Variants in RIMS2 observed in about 807,000 individuals in gnomAD.
The protein encoded by RIMS2 is regulating synaptic membrane exocytosis protein 2.
In RIMS2, 59 loss-of-function variants were observed where a neutral mutation model predicts 174.4. The observed-to-expected ratio is 0.34, with a 90% CI of 0.27 to 0.42. The LOEUF (loss-of-function observed/expected upper bound fraction) is 0.42, where lower values mean the gene tolerates loss of function less well. Among genes scored for constraint, RIMS2 ranks in the 10% least tolerant of loss-of-function variants. The probability of loss-of-function intolerance (pLI) is 1.00; values close to 1 mark genes in which losing one functional copy is unlikely to be tolerated. For synonymous variants in RIMS2, 606 were observed against 572.5 expected (o/e 1.06, Z -0.84); for missense variants, 1,620 against 1,666.3 (o/e 0.97, Z 0.48).
At chr8:104,084,707 A>G (rs1056793921) in intron 19 of RIMS2, among the ~76,000 whole-genome samples, 2 of 152,038 alleles carry the variant, frequency 1.3e-5, no homozygotes, top group Non-Finnish European at 2.9e-5. Flanking sequence ...ATCATAATGT[A>G]CAGTTTCTTT....
At chr8:104,220,459 T>C (rs2099149946) in intron 19 of RIMS2, among the ~76,000 whole-genome samples, 1 of 152,148 alleles carries the variant, frequency 6.6e-6, no homozygotes, top group Admixed American at 6.5e-5. Context: ...ACTGATTCCG[T>C]TCTCAGACTC....
intron 3 of RIMS2, among the ~76,000 whole-genome samples, chr8:103,776,263 G>C (rs962434807): frequency 3.3e-5 from 5 of 152,102 alleles, no homozygotes; most frequent in African/African-American, 1.2e-4. Context: ...TTAAGGACAG[G>C]ATGAAGGTAC....
chr8:103,847,129 C>A (rs1294492731), intron 3 of RIMS2, among the ~76,000 whole-genome samples: 1 of 152,042 alleles, frequency 6.6e-6, no homozygotes, highest in Non-Finnish European at 1.5e-5. Flanking sequence ...TTGAAGCATC[C>A]CCCACTTTAG....
chr8:103,795,643 T>A (rs1298425944), intron 3 of RIMS2, among the ~76,000 whole-genome samples: 1 of 151,962 alleles, frequency 6.6e-6, no homozygotes, highest in Non-Finnish European at 1.5e-5. Flanking sequence ...TTATCGTTTT[T>A]CCCACCAGAT....
intron 19 of RIMS2, among the ~76,000 whole-genome samples, chr8:104,156,376 C>A (rs924515206): frequency 2.0e-5 from 3 of 152,102 alleles, no homozygotes; most frequent in African/African-American, 7.2e-5. Flanking sequence ...TCAGAAGGCT[C>A]ATACTGGAAA....
At position 103,766,555 on chromosome 8, in the gene RIMS2, T is replaced by C. The variant is rs1314921473; in HGVS notation, c.698+18T>C. ...TCAGACAGGTAAACATTTTGTTTAA[T>C]CTTTAGGCAAATGTATTACTTTTAG... is the stretch of plus-strand genomic sequence containing the variant. On this transcript the variant is annotated intron_variant, in intron 3 of 23. Transcript: ENST00000504942. 15 of 1,547,234 alleles carry C rather than the reference T, an allele frequency of 9.7e-6. No homozygotes were observed. The highest frequency in any genetic ancestry group is 6.8e-5 in the East Asian group (3 of 44,262).
intron 2 of RIMS2, among the ~76,000 whole-genome samples, chr8:103,730,524 T>TGTCTTTACTGTATAAGTATA (rs2097578112): frequency 6.6e-6 from 1 of 152,208 alleles, no homozygotes; most frequent in South Asian, 2.1e-4. Context: ...TCTATTTATA[T>TGTCTTTACTGTATAAGTATA]CTTATTATAC....
At chr8:104,171,785 C>T in intron 19 of RIMS2, among the ~76,000 whole-genome samples, 1 of 151,988 alleles carries the variant, frequency 6.6e-6, no homozygotes, top group East Asian at 1.9e-4. Flanking sequence ...TGAAATTGTT[C>T]TTGAATTTAT....
chr8:104,188,276 T>TA (rs1491165343), intron 19 of RIMS2, among the ~76,000 whole-genome samples: 3 of 148,058 alleles, frequency 2.0e-5, no homozygotes, highest in Non-Finnish European at 4.5e-5. Flanking sequence ...GATAGATGGA[T>TA]GAAGTATAAA....
intron 19 of RIMS2, among the ~76,000 whole-genome samples, chr8:104,135,277 C>A (rs2098509119): frequency 9.9e-5 from 15 of 151,998 alleles, no homozygotes. Context: ...AGTGGAGCAA[C>A]TGTGCTCTAC....
At chr8:104,000,527 C>T (rs1442417696) in intron 17 of RIMS2, among the ~76,000 whole-genome samples, 2 of 151,740 alleles carry the variant, frequency 1.3e-5, no homozygotes, top group Non-Finnish European at 3.0e-5. Context: ...CATGGGAGTG[C>T]AGGTATCTCT....
At chr8:103,552,520 A>T (rs189373453) in intron 1 of RIMS2, among the ~76,000 whole-genome samples, 435 of 152,348 alleles carry the variant, frequency 2.9e-3, no homozygotes, top group Non-Finnish European at 4.1e-3. Context: ...AGGCAATAGC[A>T]TTCAGGACAT....
chr8:103,743,304 A>G (rs562523710), intron 2 of RIMS2, among the ~76,000 whole-genome samples: 2 of 152,302 alleles, frequency 1.3e-5, no homozygotes, highest in African/African-American at 4.8e-5. Context: ...TACAATGAAT[A>G]CTTTAGAGAT....
chr8:103,870,055 T>G (rs2154512972), intron 3 of RIMS2, among the ~76,000 whole-genome samples: 1 of 152,248 alleles, frequency 6.6e-6, no homozygotes, highest in South Asian at 2.1e-4. Flanking sequence ...TCTGTGAAAT[T>G]GTTTATGTGT....
chr8:103,928,614 A>C (rs2079245593), intron 11 of RIMS2, among the ~76,000 whole-genome samples: 1 of 151,016 alleles, frequency 6.6e-6, no homozygotes, highest in Admixed American at 6.6e-5. Flanking sequence ...GTTGTTTTTA[A>C]AAAATTTGTT....
intron 3 of RIMS2, among the ~76,000 whole-genome samples, chr8:103,863,904 T>TTG (rs1564980569): frequency 8.3e-6 from 1 of 120,938 alleles, no homozygotes; most frequent in East Asian, 2.0e-4. Flanking sequence ...TTTTTGTTTT[T>TTG]TTTGTTTGTT....
intron 1 of RIMS2, among the ~76,000 whole-genome samples, chr8:103,689,591 C>G (rs1018840386): frequency 6.6e-6 from 1 of 152,008 alleles, no homozygotes; most frequent in African/African-American, 2.4e-5. Flanking sequence ...TGAATTGATT[C>G]CTTTATCATT....
At chr8:103,948,778 AT>A (rs1397129336) in intron 14 of RIMS2, among the ~76,000 whole-genome samples, 1 of 152,074 alleles carries the variant, frequency 6.6e-6, no homozygotes, top group Non-Finnish European at 1.5e-5. Context: ...TTTACTGAAA[AT>A]TTCTGAACTG....
At chr8:103,773,943 A>G (rs1288037755) in intron 3 of RIMS2, among the ~76,000 whole-genome samples, 3 of 152,122 alleles carry the variant, frequency 2.0e-5, no homozygotes, top group Non-Finnish European at 4.4e-5. Context: ...AGAGTTTGAG[A>G]CTAGCTTGGC....
Sources: allele counts gnomAD v4.1 joint callset (sites outside exome capture counted in the v4.1 genomes callset), GRCh38; gene constraint gnomAD v4.1.1; transcripts MANE v1.5; gene names NCBI Gene and HGNC (gene_info 2026-07-23, HGNC 2026-07-21).